Variants in MLKL observed in about 807,000 individuals in gnomAD.
MLKL encodes mixed lineage kinase domain-like protein.
In MLKL, 55 loss-of-function variants were observed where a neutral mutation model predicts 56.5. That is an observed-to-expected ratio of 0.97 (90% confidence interval 0.78 to 1.22). MLKL has a LOEUF of 1.22. MLKL is among the 50% of genes most tolerant of loss of function. The pLI is 0.00. For synonymous variants in MLKL, 251 were observed against 208.3 expected (o/e 1.20, Z -1.76); for missense variants, 694 against 573.9 (o/e 1.21, Z -2.14).
chr16:74,697,375 C>T (rs775933512), intron 1 of MLKL, among the ~76,000 whole-genome samples: 1 of 152,124 alleles, frequency 6.6e-6, no homozygotes, highest in Non-Finnish European at 1.5e-5. Flanking sequence ...CCAATAACCT[C>T]CCTGATTGTT....
chr16:74,676,272 G>A, intron 7 of MLKL: 1 of 989,508 alleles, frequency 1.0e-6, no homozygotes, highest in Non-Finnish European at 1.2e-6. Context: ...TGACGAGTGT[G>A]AGTCATCCCC....
chr16:74,674,467 TGAGAC>T, intron 10 of MLKL, among the ~76,000 whole-genome samples: 1 of 151,970 alleles, frequency 6.6e-6, no homozygotes, highest in African/African-American at 2.4e-5. Context: ...TTTTTTTTTT[TGAGAC>T]GGAGTCTTGT....
chr16:74,685,656 C>T (rs1960280692), intron 4 of MLKL, 73 bp from the exon 5 acceptor site: 3 of 1,243,700 alleles, frequency 2.4e-6, no homozygotes, highest in African/African-American at 1.5e-5. Flanking sequence ...GTGTGGTGAC[C>T]CTCTGTGTAT....
intron 4 of MLKL, among the ~76,000 whole-genome samples, chr16:74,688,869 G>A (rs1432743415): frequency 2.0e-5 from 3 of 152,080 alleles, no homozygotes; most frequent in Non-Finnish European, 2.9e-5. Context: ...GCCATAAAAA[G>A]GAATGAAGAA....
At chr16:74,691,926 C>T (rs1960704762) in intron 3 of MLKL, among the ~76,000 whole-genome samples, 1 of 152,188 alleles carries the variant, frequency 6.6e-6, no homozygotes, top group Non-Finnish European at 1.5e-5. Context: ...CCCGTGAGCT[C>T]CTGGAAGGCA....
chr16:74,678,781 C>CTAAA (rs1021911403), intron 7 of MLKL, 118 bp downstream of exon 7: 26 of 763,562 alleles, frequency 3.4e-5, no homozygotes, highest in South Asian at 5.2e-5. Context: ...GACTCTGTCT[C>CTAAA]TAAATAAATA....
chr16:74,674,879 T>C (rs955831275), intron 10 of MLKL, 81 bp downstream of exon 10: 7 of 1,534,714 alleles, frequency 4.6e-6, no homozygotes, highest in Non-Finnish European at 6.2e-6. Flanking sequence ...AACTACTGCC[T>C]TGGAGCTGGT....
At chr16:74,685,954 G>C (rs1370288892) in intron 4 of MLKL, among the ~76,000 whole-genome samples, 1 of 151,514 alleles carries the variant, frequency 6.6e-6, no homozygotes, top group Non-Finnish European at 1.5e-5. Context: ...ACAGATTGTG[G>C]TGTGTGTCTT....
intron 6 of MLKL, among the ~76,000 whole-genome samples, chr16:74,680,163 G>A (rs1959852175): frequency 6.6e-6 from 1 of 152,182 alleles, no homozygotes; most frequent in African/African-American, 2.4e-5. Context: ...ATCCTCTGAA[G>A]ATTGCAGCTG....
chr16:74,697,564 A>G (rs1961118414), intron 1 of MLKL, among the ~76,000 whole-genome samples: 1 of 152,182 alleles, frequency 6.6e-6, no homozygotes, highest in African/African-American at 2.4e-5. Context: ...CCATCTGGGC[A>G]CAGTAGTTCA....
intron 1 of MLKL, among the ~76,000 whole-genome samples, chr16:74,698,675 C>G (rs1459456936): frequency 6.6e-6 from 1 of 152,150 alleles, no homozygotes; most frequent in East Asian, 1.9e-4. Context: ...CTTCCTAGCT[C>G]TAAGCTCCAG....
At position 74,674,980 on chromosome 16, in the gene MLKL, G is replaced by A. The variant is rs1567598450; in HGVS notation, c.1361C>T (p.Ser454Phe). The A allele has an allele frequency of 6.2e-7, 1 of 1,614,192 alleles. No homozygotes were observed. The highest frequency in any genetic ancestry group is 1.1e-5 in the South Asian group (1 of 91,076). Residue 454 changes from serine (S) to phenylalanine (F), a missense_variant, in exon 10 of 11, where the codon TCT becomes TTT. Transcript: ENST00000308807. Reference sequence around the variant, plus strand: ...CCTACCATCCACAGAGGGCCGCACAGAGGGATCATGGGCCCGGCACTCATC... The same window carrying A: ...CCTACCATCCACAGAGGGCCGCACAAAGGGATCATGGGCCCGGCACTCATC... ...IIDECRAHDP[S>F]VRPSVDEILK...
Position 74,695,688 on chromosome 16 carries a change from A to C in MLKL, c.70T>G (p.Cys24Gly), listed in dbSNP as rs755990531. Residue 24 changes from cysteine to glycine, a missense_variant, in exon 2 of 11, where the codon TGC becomes GGC. Cys to Gly is a radical substitution (Grantham distance 159, BLOSUM62 -3). Transcript: ENST00000308807. ...IHKRCEEMKY[C>G]KKQCRRLGHR... ...CCCAGGCGCCGGCACTGTTTCTTGC[A>C]GTATTTCATCTCTTCACACCGTTTG... 2.5e-6 allele frequency: 4 copies of C among 1,613,982 alleles called. No homozygotes were observed. The Admixed American group carries it at 5.0e-5, about 20-fold the overall frequency.
chr16:74,687,119 G>A (rs1960377915), intron 4 of MLKL, among the ~76,000 whole-genome samples: 1 of 152,068 alleles, frequency 6.6e-6, no homozygotes, highest in African/African-American at 2.4e-5. Flanking sequence ...GGGATTACAG[G>A]CGCTTGCTAC....
chr16:74,678,845 C>A (rs771959297), intron 7 of MLKL, 54 bp downstream of exon 7: 1 of 1,307,038 alleles, frequency 7.7e-7, no homozygotes, highest in Non-Finnish European at 1.1e-6. Flanking sequence ...GTGCCCCTCT[C>A]ATAGCACCAG....
At chr16:74,693,468 A>G (rs920697062) in intron 2 of MLKL, among the ~76,000 whole-genome samples, 15 of 82,606 alleles carry the variant, frequency 1.8e-4, no homozygotes, top group Admixed American at 4.9e-4. Flanking sequence ...AAAAAAAAAA[A>G]GAAAAGAAAA....
intron 5 of MLKL, among the ~76,000 whole-genome samples, chr16:74,684,320 G>A (rs542351711): frequency 6.6e-6 from 1 of 151,558 alleles, no homozygotes; most frequent in South Asian, 2.1e-4. Flanking sequence ...AACTTCCAAA[G>A]GGGATAAGAC....
chr16:74,683,697 T>A (rs1597492356), intron 5 of MLKL, among the ~76,000 whole-genome samples: 1 of 152,202 alleles, frequency 6.6e-6, no homozygotes, highest in Non-Finnish European at 1.5e-5. Flanking sequence ...GCGAATGTCT[T>A]CCTCACTCAA....
Position 74,672,228 on chromosome 16 carries a change from CT to C in MLKL, c.*275del. The C allele has an allele frequency of 3.0e-6, 1 of 333,186 alleles. No individual in the cohort carries two copies. Among genetic ancestry groups the C allele is most frequent in the Non-Finnish European group, 5.5e-6 (1 of 180,864 alleles). 20.6% of individuals were successfully genotyped at this position (333,186 alleles called of 1,614,324 possible). On this transcript the variant is annotated 3_prime_UTR_variant, in exon 11 of 11. Transcript: ENST00000308807. ...AGACTTCATTTATGGAAGGGAGGAG[CT>C]GCAAATTTCATTGCCAAGAGGTGTG...
Sources: allele counts gnomAD v4.1 joint callset (sites outside exome capture counted in the v4.1 genomes callset), GRCh38; gene constraint gnomAD v4.1.1; transcripts MANE v1.5; gene names NCBI Gene and HGNC (gene_info 2026-07-23, HGNC 2026-07-21).